The following SORCS2 variants were observed in gnomAD, a reference collection of about 807,000 sequenced individuals.
SORCS2 encodes the protein sortilin related VPS10 domain containing receptor 2.
A neutral mutation model predicts 141.6 loss-of-function variants in SORCS2; 100 were observed. That is an observed-to-expected ratio of 0.71 (90% confidence interval 0.60 to 0.83). SORCS2 has a LOEUF of 0.83. Among genes scored for constraint, SORCS2 ranks in the 40% least tolerant of loss-of-function variants. The pLI, the probability that SORCS2 is intolerant of heterozygous loss-of-function variation, is 0.00. For missense variants in SORCS2, 1,646 were observed against 1,560.2 expected (o/e 1.05, Z -0.93); for synonymous variants, 789 against 676.9 (o/e 1.17, Z -2.57).
chr4:7,713,843 G>A (rs1032716730), intron 15 of SORCS2, among the ~76,000 whole-genome samples: 1 of 152,216 alleles, frequency 6.6e-6, no homozygotes. Flanking sequence ...AGCTGTTGCA[G>A]GGAGATGGGG....
At chr4:7,510,970 G>A (rs533107438) in intron 2 of SORCS2, among the ~76,000 whole-genome samples, 1 of 152,340 alleles carries the variant, frequency 6.6e-6, no homozygotes, top group Non-Finnish European at 1.5e-5. Flanking sequence ...GTTCGAGGCC[G>A]GAACTAGGTC....
chr4:7,523,246 C>T (rs1012981908), intron 2 of SORCS2, among the ~76,000 whole-genome samples: 1 of 152,118 alleles, frequency 6.6e-6, no homozygotes, highest in African/African-American at 2.4e-5. Flanking sequence ...GGAAGATGTA[C>T]AGGAATTCGA....
At chr4:7,236,677 G>A (rs989348149) in intron 1 of SORCS2, among the ~76,000 whole-genome samples, 1 of 152,142 alleles carries the variant, frequency 6.6e-6, no homozygotes, top group African/African-American at 2.4e-5. Flanking sequence ...TGCCTCCTGG[G>A]TTTAAGCGAT....
intron 2 of SORCS2, among the ~76,000 whole-genome samples, chr4:7,445,831 C>G (rs768988878): frequency 7.2e-5 from 11 of 152,098 alleles, no homozygotes; most frequent in Admixed American, 3.3e-4. Flanking sequence ...GGATGGCCAG[C>G]TGCTTTTCCT....
At chr4:7,411,478 C>T (rs1193339733) in intron 2 of SORCS2, among the ~76,000 whole-genome samples, 3 of 151,986 alleles carry the variant, frequency 2.0e-5, no homozygotes, top group Non-Finnish European at 4.4e-5. Context: ...CCTCTATCTT[C>T]TCTCCTCATT....
intron 3 of SORCS2, among the ~76,000 whole-genome samples, chr4:7,632,646 C>T (rs1371682900): frequency 2.6e-5 from 4 of 152,194 alleles, no homozygotes; most frequent in Admixed American, 1.3e-4. Context: ...TGCGGACTGC[C>T]GCAGAAAGGG....
chr4:7,678,045 A>G (rs1163343057), intron 9 of SORCS2, among the ~76,000 whole-genome samples: 1 of 152,182 alleles, frequency 6.6e-6, no homozygotes, highest in Non-Finnish European at 1.5e-5. Context: ...ACCGCATGCC[A>G]TGCTCTGGTC....
At chr4:7,461,959 C>T (rs923832313) in intron 2 of SORCS2, among the ~76,000 whole-genome samples, 18 of 152,208 alleles carry the variant, frequency 1.2e-4, no homozygotes, top group Non-Finnish European at 2.1e-4. Flanking sequence ...TGCTGTCCCA[C>T]GGCAGCTGGA....
At chr4:7,273,999 C>G (rs3846419) in intron 1 of SORCS2, among the ~76,000 whole-genome samples, 3 of 152,136 alleles carry the variant, frequency 2.0e-5, no homozygotes, top group Non-Finnish European at 2.9e-5. Flanking sequence ...CCCTCTGCCT[C>G]GTGCACTGCA....
chr4:7,644,301 A>G (rs1005963977), intron 4 of SORCS2, among the ~76,000 whole-genome samples: 1 of 152,178 alleles, frequency 6.6e-6, no homozygotes, highest in Non-Finnish European at 1.5e-5. Context: ...GGTAACTTCC[A>G]TAAAGCCAGT....
chr4:7,454,357 G>A (rs1312437400), intron 2 of SORCS2, among the ~76,000 whole-genome samples: 4 of 125,748 alleles, frequency 3.2e-5, no homozygotes, highest in Non-Finnish European at 6.7e-5. Flanking sequence ...GCACTGTGTT[G>A]GGGTCAGGAG....
intron 3 of SORCS2, among the ~76,000 whole-genome samples, chr4:7,621,382 TGTGA>T (rs1393253221): frequency 1.4e-4 from 21 of 151,784 alleles, no homozygotes; most frequent in Admixed American, 3.3e-4. Flanking sequence ...TGTGTCTATG[TGTGA>T]GTGTTTATGT....
chr4:7,606,071 C>T (rs1032965057), intron 3 of SORCS2, among the ~76,000 whole-genome samples: 9 of 152,160 alleles, frequency 5.9e-5, no homozygotes, highest in African/African-American at 1.7e-4. Context: ...TGAGTGGAGA[C>T]GGGGACTCCT....
intron 2 of SORCS2, among the ~76,000 whole-genome samples, chr4:7,435,440 G>A (rs1333843454): frequency 2.0e-5 from 3 of 152,250 alleles, no homozygotes; most frequent in African/African-American, 4.8e-5. Flanking sequence ...GTGCCCAGCT[G>A]GGGTTCTGCC....
At chr4:7,270,352 T>C (rs942293183) in intron 1 of SORCS2, among the ~76,000 whole-genome samples, 1 of 152,242 alleles carries the variant, frequency 6.6e-6, no homozygotes, top group African/African-American at 2.4e-5. Context: ...CACGGCTGCG[T>C]TCACCCTTGC....
Position 7,676,214 on chromosome 4 carries a change from C to T in SORCS2, c.1326C>T (p.Leu442=), listed in dbSNP as rs1331786289. Residue 442 remains leucine (L), a synonymous_variant, in exon 9 of 27, where the codon CTC becomes CTT. Coordinates refer to ENST00000507866, the MANE Select transcript of SORCS2 (RefSeq NM_020777.3). ...CACGGCAGGCGGAGGAGAGCGTGCT[C>T]ATCGACATCCTGGAGGTGGGTCCAG... ...RSSRQAEESV[L]IDILEVRGVK... The T allele has an allele frequency of 1.3e-6, 2 of 1,551,110 alleles. No individual in the cohort carries two copies. Among genetic ancestry groups the T allele is most frequent in the Middle Eastern group, 1.8e-4 (1 of 5,456 alleles).
intron 1 of SORCS2, among the ~76,000 whole-genome samples, chr4:7,322,445 G>C (rs569169086): frequency 2.0e-5 from 3 of 152,228 alleles, no homozygotes; most frequent in Non-Finnish European, 4.4e-5. Context: ...TGGGGCCTAA[G>C]GTGTACCGCG....
chr4:7,474,309 G>A (rs1466157931), intron 2 of SORCS2, among the ~76,000 whole-genome samples: 5 of 152,326 alleles, frequency 3.3e-5, no homozygotes, highest in South Asian at 4.1e-4. Flanking sequence ...CCCCCTCTGC[G>A]GTTGGCTCTG....
intron 2 of SORCS2, among the ~76,000 whole-genome samples, chr4:7,518,813 C>T (rs746010559): frequency 5.3e-5 from 8 of 152,206 alleles, no homozygotes; most frequent in Non-Finnish European, 8.8e-5. Context: ...CCTGCCCCCC[C>T]GGCCCCCCAT....
Sources: gnomAD v4.1 joint callset for allele counts (sites outside exome capture counted in the v4.1 genomes callset) on GRCh38, gnomAD v4.1.1 for gene constraint, MANE v1.5 for transcripts, NCBI Gene and HGNC (gene_info 2026-07-23, HGNC 2026-07-21) for gene names.